Variants in PSPH observed in about 807,000 individuals in gnomAD.
The protein encoded by PSPH is L-3-phosphoserine phosphatase.
In PSPH, 16 loss-of-function variants were observed where a neutral mutation model predicts 23.4. The ratio of observed to expected loss-of-function variants is 0.68; its 90% CI spans 0.46 to 1.04. PSPH has a LOEUF of 1.04. PSPH is among the 50% of genes least tolerant of loss of function. The pLI, the probability that PSPH is intolerant of heterozygous loss-of-function variation, is 0.00. For synonymous variants in PSPH, 68 were observed against 99.7 expected (o/e 0.68, Z 1.89); for missense variants, 223 against 273.7 (o/e 0.81, Z 1.31).
chr7:56,037,078 G>A (rs1025106358), intron 1 of PSPH, among the ~76,000 whole-genome samples: 1 of 151,456 alleles, frequency 6.6e-6, no homozygotes, highest in African/African-American at 2.4e-5. Context: ...GGAGGCTGAA[G>A]CAGGAGAATC....
At chr7:56,040,154 G>C (rs1244552802) in intron 1 of PSPH, among the ~76,000 whole-genome samples, 1 of 151,816 alleles carries the variant, frequency 6.6e-6, no homozygotes, top group East Asian at 1.9e-4. Context: ...AGAACACAGT[G>C]AACACAGTTT....
At chr7:56,037,066 G>A (rs1584479336) in intron 1 of PSPH, among the ~76,000 whole-genome samples, 1 of 151,718 alleles carries the variant, frequency 6.6e-6, no homozygotes, top group East Asian at 1.9e-4. Context: ...CTCAGCTACT[G>A]AGGAGGCTGA....
intron 7 of PSPH, among the ~76,000 whole-genome samples, chr7:56,012,809 G>A (rs879260760): frequency 3.4e-5 from 5 of 146,398 alleles, no homozygotes; most frequent in Admixed American, 6.8e-5. Context: ...TGCCCAGGCC[G>A]GTCTCAAACT....
intron 3 of PSPH, among the ~76,000 whole-genome samples, chr7:56,028,312 A>G (rs1584443111): frequency 6.6e-6 from 1 of 151,890 alleles, no homozygotes. Context: ...TGTGGCCTCA[A>G]CCTCCTAGGT....
chr7:56,037,185 A>AC (rs1791837291), intron 1 of PSPH, among the ~76,000 whole-genome samples: 1 of 152,024 alleles, frequency 6.6e-6, no homozygotes, highest in South Asian at 2.1e-4. Flanking sequence ...AAAAAAAAAA[A>AC]AAAAAGCTTC....
At chr7:56,017,454 G>A in intron 5 of PSPH, 75 bp from the exon 6 acceptor site, 2 of 1,549,118 alleles carry the variant, frequency 1.3e-6, no homozygotes, top group Middle Eastern at 1.7e-4. Flanking sequence ...AACATGAAGA[G>A]GGAAATAAGA....
In PSPH at chr7:56,030,591, C is replaced by T. The variant is rs1385077099; in HGVS notation, c.-20+1338G>A. Among the ~76,000 whole-genome samples the T allele has an allele frequency of 5.3e-5, 8 of 152,216 alleles. No homozygotes were observed. The East Asian group carries it at 1.5e-3, about 29-fold the overall frequency. ...GAGCTAAACTGGGTACATGAGGATA[C>T]AAAGACGGGAAAAACACACAGTGAT... On this transcript the variant is annotated intron_variant, in intron 3 of 7. Transcript: ENST00000275605.
intron 6 of PSPH, among the ~76,000 whole-genome samples, chr7:56,015,672 T>G (rs1344215330): frequency 6.6e-6 from 1 of 152,160 alleles, no homozygotes; most frequent in Non-Finnish European, 1.5e-5. Flanking sequence ...AATTAATTTA[T>G]TTTTGAGACA....
At chr7:56,043,902 A>G (rs1402130787) in intron 1 of PSPH, among the ~76,000 whole-genome samples, 4 of 152,158 alleles carry the variant, frequency 2.6e-5, no homozygotes, top group Non-Finnish European at 5.9e-5. Flanking sequence ...ATTCACACAC[A>G]AAGGCTACAA....
intron 3 of PSPH, among the ~76,000 whole-genome samples, chr7:56,026,833 GA>G (rs1790252306): frequency 6.6e-6 from 1 of 152,112 alleles, no homozygotes; most frequent in South Asian, 2.1e-4. Flanking sequence ...GGTGAGTGAA[GA>G]GGAAGCCAGA....
chr7:56,037,420 C>CTT (rs533011383), intron 1 of PSPH, among the ~76,000 whole-genome samples: 37 of 145,968 alleles, frequency 2.5e-4, no homozygotes, highest in East Asian at 1.0e-3. Context: ...GTTTTCTTTC[C>CTT]TTTTTTTTTT....
intron 1 of PSPH, among the ~76,000 whole-genome samples, chr7:56,045,310 G>A (rs1007791811): frequency 2.6e-5 from 4 of 152,010 alleles, no homozygotes; most frequent in African/African-American, 9.7e-5. Context: ...TTCAAGACCA[G>A]CCTGAGCAAC....
chr7:56,031,516 G>A (rs1196970897), intron 3 of PSPH, among the ~76,000 whole-genome samples: 1 of 152,088 alleles, frequency 6.6e-6, no homozygotes, highest in Non-Finnish European at 1.5e-5. Context: ...AAATTCAGGT[G>A]AGGAGTAAAC....
At chr7:56,019,319 A>C (rs955298804) in intron 5 of PSPH, among the ~76,000 whole-genome samples, 2 of 150,990 alleles carry the variant, frequency 1.3e-5, no homozygotes, top group African/African-American at 4.9e-5. Context: ...GGCACCTGTA[A>C]TCCCATCTAC....
At chr7:56,036,945 G>C (rs1368516726) in intron 1 of PSPH, among the ~76,000 whole-genome samples, 1 of 152,056 alleles carries the variant, frequency 6.6e-6, no homozygotes, top group Non-Finnish European at 1.5e-5. Context: ...AGGCTGAGGC[G>C]GGAGGATCAC....
At chr7:56,031,199 C>A in intron 3 of PSPH, among the ~76,000 whole-genome samples, 1 of 143,326 alleles carries the variant, frequency 7.0e-6, no homozygotes, top group Non-Finnish European at 1.5e-5. Context: ...GCCTGGGCGA[C>A]AGAGCGAGAC....
chr7:56,022,878 G>A (rs1410010884), intron 3 of PSPH, among the ~76,000 whole-genome samples: 1 of 152,140 alleles, frequency 6.6e-6, no homozygotes, highest in African/African-American at 2.4e-5. Flanking sequence ...GGCCAACATG[G>A]CAAAACCCCA....
chr7:56,033,811 T>C (rs2116952119), intron 2 of PSPH, 150 bp downstream of exon 2: 1 of 152,108 alleles, frequency 6.6e-6, no homozygotes, highest in South Asian at 2.1e-4. Context: ...AAAAAATAAA[T>C]CAATGAAAAG....
At position 56,015,124 on chromosome 7, in the gene PSPH, C is replaced by A. The variant is rs1410416350; in HGVS notation, c.469G>T (p.Gly157Ter). Residue 157 changes from glycine (G) to a stop codon, truncating the protein, a stop_gained, in exon 7 of 8, where the codon GGA (glycine) becomes TGA (stop). Coordinates refer to ENST00000275605, the MANE Select transcript of PSPH (RefSeq NM_004577.4). LOFTEE classifies it high-confidence loss of function. ...DETQPTAESG[G>*]KGKVIKLLKE... ...AAAAGTTTAATCACTTTTCCTTTTC[C>A]ACCAGATTCAGCTGTTGGCTGCGTC... 9.9e-6 allele frequency: 16 copies of A among 1,613,776 alleles called. No homozygotes were observed. The highest frequency in any genetic ancestry group is 1.4e-5 in the Non-Finnish European group (16 of 1,179,964).
Sources: allele counts gnomAD v4.1 joint callset (sites outside exome capture counted in the v4.1 genomes callset), GRCh38; gene constraint gnomAD v4.1.1; transcripts MANE v1.5; gene names NCBI Gene and HGNC (gene_info 2026-07-23, HGNC 2026-07-21).